The following APBB1IP variants were observed in gnomAD, a reference collection of about 807,000 sequenced individuals.
APBB1IP encodes the protein amyloid beta A4 precursor protein-binding family B member 1-interacting protein.
A neutral mutation model predicts 64.9 loss-of-function variants in APBB1IP; 27 were observed. The observed-to-expected ratio is 0.42, with a 90% confidence interval of 0.31 to 0.57. APBB1IP has a LOEUF of 0.57. Ranked by LOEUF, APBB1IP falls within the 20% of genes least tolerant of loss-of-function variation. The pLI, the probability that APBB1IP is intolerant of heterozygous loss-of-function variation, is 0.20. For missense variants in APBB1IP, 812 were observed against 845.5 expected, an observed-to-expected ratio of 0.96 and a Z score of 0.49; for synonymous variants, 392 against 331.0, an observed-to-expected ratio of 1.18 and a Z score of -2.00.
intron 2 of APBB1IP, among the ~76,000 whole-genome samples, chr10:26,460,596 T>A (rs1835577964): frequency 6.6e-6 from 1 of 152,136 alleles, no homozygotes. Context: ...ATGGTAAATA[T>A]ACACCATGGA....
chr10:26,441,388 G>A (rs753384557), intron 2 of APBB1IP, among the ~76,000 whole-genome samples: 102 of 152,068 alleles, frequency 6.7e-4, no homozygotes, highest in Middle Eastern at 3.2e-3. Flanking sequence ...AGAACTAGCC[G>A]CATGAAGGAA....
chr10:26,566,167 C>G (rs1386628082), intron 14 of APBB1IP, among the ~76,000 whole-genome samples: 2 of 152,156 alleles, frequency 1.3e-5, no homozygotes, highest in African/African-American at 2.4e-5. Context: ...GGCCGTAATT[C>G]CAGCTACTCA....
intron 2 of APBB1IP, among the ~76,000 whole-genome samples, chr10:26,473,881 A>G (rs1168281170): frequency 6.6e-6 from 1 of 152,024 alleles, no homozygotes; most frequent in Non-Finnish European, 1.5e-5. Context: ...GCATGCCTGT[A>G]ATCCGAGCTA....
chr10:26,519,505 C>G (rs1336900813), intron 8 of APBB1IP, among the ~76,000 whole-genome samples: 1 of 152,080 alleles, frequency 6.6e-6, no homozygotes, highest in African/African-American at 2.4e-5. Flanking sequence ...CTCCTAAGAA[C>G]TCTATCATGA....
chr10:26,547,858 T>G (rs112105401), intron 11 of APBB1IP, among the ~76,000 whole-genome samples: 5 of 152,250 alleles, frequency 3.3e-5, no homozygotes, highest in African/African-American at 1.2e-4. Context: ...CAACACTGTT[T>G]ATTGAAGACA....
chr10:26,439,406 C>A (rs1835315498), intron 2 of APBB1IP, among the ~76,000 whole-genome samples: 1 of 152,110 alleles, frequency 6.6e-6, no homozygotes, highest in African/African-American at 2.4e-5. Flanking sequence ...CTTTTTCCCC[C>A]GAATATTCTC....
intron 8 of APBB1IP, among the ~76,000 whole-genome samples, chr10:26,522,648 A>T (rs912422796): frequency 3.3e-5 from 5 of 152,172 alleles, no homozygotes; most frequent in African/African-American, 1.2e-4. Context: ...CTTAAGGGTT[A>T]AAAAATCACA....
intron 2 of APBB1IP, among the ~76,000 whole-genome samples, chr10:26,473,633 C>T (rs1409505923): frequency 3.9e-5 from 6 of 152,168 alleles, no homozygotes; most frequent in African/African-American, 1.4e-4. Context: ...TCATAGGTGA[C>T]CCCCGTTGGT....
At chr10:26,566,486 C>T (rs1837045970) in intron 14 of APBB1IP, among the ~76,000 whole-genome samples, 1 of 152,170 alleles carries the variant, frequency 6.6e-6, no homozygotes, top group South Asian at 2.1e-4. Context: ...AACTCCTGGA[C>T]TTAAGTGATC....
intron 2 of APBB1IP, among the ~76,000 whole-genome samples, chr10:26,443,604 G>T (rs189757106): frequency 6.6e-6 from 1 of 152,054 alleles, no homozygotes; most frequent in East Asian, 1.9e-4. Context: ...GCACAATTAA[G>T]GCTCACTGTA....
intron 2 of APBB1IP, among the ~76,000 whole-genome samples, chr10:26,480,229 A>G (rs1835818933): frequency 6.6e-6 from 1 of 152,106 alleles, no homozygotes; most frequent in Admixed American, 6.6e-5. Context: ...AGTAAAGTGG[A>G]GATAGTGCTG....
chr10:26,521,249 C>T (rs1212694658), intron 8 of APBB1IP, among the ~76,000 whole-genome samples: 1 of 152,152 alleles, frequency 6.6e-6, no homozygotes, highest in African/African-American at 2.4e-5. Context: ...TTCTCCAGAG[C>T]CACTGCTGAA....
chr10:26,496,556 TGA>T (rs1836027808), intron 4 of APBB1IP, among the ~76,000 whole-genome samples, 165 bp downstream of exon 4: 1 of 152,164 alleles, frequency 6.6e-6, no homozygotes, highest in African/African-American at 2.4e-5. Context: ...TAGATTGAAT[TGA>T]GAGAGTCAAG....
chr10:26,499,475 C>G (rs1196955257), intron 4 of APBB1IP, among the ~76,000 whole-genome samples: 2 of 152,154 alleles, frequency 1.3e-5, no homozygotes, highest in Admixed American at 6.6e-5. Flanking sequence ...TGATGTCTGA[C>G]AAAGCTTATT....
intron 13 of APBB1IP, chr10:26,562,055 A>G: frequency 3.1e-6 from 1 of 327,050 alleles, no homozygotes; most frequent in Non-Finnish European, 5.8e-6. Context: ...GGGCTTTATC[A>G]AATACCGTAC....
chr10:26,555,135 T>C (rs1387876783), intron 11 of APBB1IP, among the ~76,000 whole-genome samples: 1 of 152,206 alleles, frequency 6.6e-6, no homozygotes, highest in Non-Finnish European at 1.5e-5. Flanking sequence ...CAAGTTCTTC[T>C]ATTTCCCATC....
chr10:26,469,254 TTTTC>T (rs2132412787), intron 2 of APBB1IP, among the ~76,000 whole-genome samples: 1 of 137,464 alleles, frequency 7.3e-6, no homozygotes, highest in South Asian at 2.3e-4. Context: ...CCTTCTTTTC[TTTTC>T]TTTTTTTTTT....
rs202129957 is a variant in APBB1IP at position 26,496,288 on chromosome 10, G to T, written c.73-16G>T. ...TGTATCATGAATAACTTTGATGGGG[G>T]GATCTTTTTTCACAGAGTTTAGGAG... On this transcript the variant is annotated splice_polypyrimidine_tract_variant and intron_variant, in intron 3 of 14. Transcript: ENST00000376236. 1.3e-6 allele frequency: 2 copies of T among 1,587,648 alleles called. No individual in the cohort carries two copies. Among genetic ancestry groups the T allele is most frequent in the Non-Finnish European group, 1.7e-6 (2 of 1,158,790 alleles).
chr10:26,444,064 G>A (rs1835365867), intron 2 of APBB1IP, among the ~76,000 whole-genome samples: 1 of 152,174 alleles, frequency 6.6e-6, no homozygotes, highest in Admixed American at 6.5e-5. Flanking sequence ...GCGATAAGGT[G>A]GTCAGGCTGG....
Sources: allele counts gnomAD v4.1 joint callset (sites outside exome capture counted in the v4.1 genomes callset), GRCh38; gene constraint gnomAD v4.1.1; transcripts MANE v1.5; gene names NCBI Gene and HGNC (gene_info 2026-07-23, HGNC 2026-07-21).